RNF14: variants seen among roughly 807,000 people sequenced by gnomAD.
RNF14 encodes the protein E3 ubiquitin-protein ligase RNF14.
A neutral mutation model predicts 52.6 loss-of-function variants in RNF14; 26 were observed. The observed-to-expected ratio is 0.49, with a 90% CI of 0.36 to 0.69. The LOEUF (loss-of-function observed/expected upper bound fraction) is 0.69, where lower values mean the gene tolerates loss of function less well. RNF14 is among the 30% of genes least tolerant of loss of function. RNF14 has a pLI of 0.00. For missense variants in RNF14, 404 were observed against 560.4 expected, an observed-to-expected ratio of 0.72 and a Z score of 2.82; for synonymous variants, 194 against 202.0, an observed-to-expected ratio of 0.96 and a Z score of 0.34.
At chr5:141,965,939 A>G (rs1207653693), upstream of RNF14, among the ~76,000 whole-genome samples, 5 of 151,676 alleles carry the variant, frequency 3.3e-5, no homozygotes, top group Admixed American at 3.3e-4. Context: ...GAGTTTACCT[A>G]CATAACAAAC....
At chr5:141,955,796 G>A (rs776549536), upstream of RNF14, 4 of 1,613,914 alleles carry the variant, frequency 2.5e-6, no homozygotes, top group East Asian at 4.5e-5. This position sits in a 1 kb window ranked among gnomAD's most constrained non-coding sequence, Gnocchi z 5.5. Context: ...GCTCGGGTCT[G>A]TAAGGGGGGG....
At chr5:141,967,319 T>C (rs1013099543), upstream of RNF14, among the ~76,000 whole-genome samples, 4 of 152,196 alleles carry the variant, frequency 2.6e-5, no homozygotes, top group Non-Finnish European at 5.9e-5. Flanking sequence ...GGGCACTTCT[T>C]TTTTATTTTA....
chr5:141,983,572 C>T lies in RNF14; in HGVS notation c.1236+20C>T. 6.3e-7 allele frequency: 1 copy of T among 1,590,954 alleles called. No individual in the cohort carries two copies. The highest frequency in any genetic ancestry group is 8.5e-7 in the Non-Finnish European group (1 of 1,171,926). On this transcript the variant is annotated intron_variant, in intron 7 of 8. Transcript: ENST00000394520. ...ATAGAGGTAAATGTTTTGGGACAGA[C>T]TTGGAGGCCATCAGACTTGCAAGGA...
At chr5:141,956,137 T>C (rs1425233280), upstream of RNF14, 1 of 1,614,078 alleles carries the variant, frequency 6.2e-7, no homozygotes, top group Non-Finnish European at 8.5e-7. Context: ...GGCTTTTCCA[T>C]CGCTGAGCAC....
At chr5:141,950,327 CCTT>C in the RNF14 span, among the ~76,000 whole-genome samples, 1 of 152,236 alleles carries the variant, frequency 6.6e-6, no homozygotes, top group East Asian at 1.9e-4. Flanking sequence ...GCGTAGGAGT[CCTT>C]CTGTTTGTTT....
At chr5:141,956,855 G>T (rs1160395543), upstream of RNF14, 1 of 1,614,086 alleles carries the variant, frequency 6.2e-7, no homozygotes, top group African/African-American at 1.3e-5. Context: ...CAATGGGCTG[G>T]GATAGGATTG....
At chr5:141,974,654 C>T (rs531705274) in intron 3 of RNF14, 150 bp from the exon 4 acceptor site, 3 of 671,872 alleles carry the variant, frequency 4.5e-6, no homozygotes, top group Non-Finnish European at 7.3e-6. Flanking sequence ...GTGGTGGCTA[C>T]GAAGTTAAAA....
upstream of RNF14, chr5:141,955,792 G>A: frequency 1.2e-6 from 2 of 1,613,874 alleles, no homozygotes; most frequent in Non-Finnish European, 1.7e-6. This position sits in a 1 kb window ranked among gnomAD's most constrained non-coding sequence, Gnocchi z 5.5. Context: ...CAGGGCTCGG[G>A]TCTGTAAGGG....
chr5:141,984,910 C>T lies in RNF14; in HGVS notation c.1344C>T (p.Asp448=). ...SRANPYKHFN[D]PGSPCFNRLF... Reference sequence around the variant, plus strand: ...CAAACCCTTACAAACATTTCAATGACCCTGGTTCACCATGTTTTAACCGGT... The same window carrying T: ...CAAACCCTTACAAACATTTCAATGATCCTGGTTCACCATGTTTTAACCGGT... The change falls in exon 8 of 9, where the codon GAC becomes GAT. Residue 448 remains aspartate (D), a synonymous_variant. Transcript: ENST00000394520. 1 of 1,613,876 alleles carries T rather than the reference C, an allele frequency of 6.2e-7. No homozygotes were observed. The highest frequency in any genetic ancestry group is 8.5e-7 in the Non-Finnish European group (1 of 1,179,814).
upstream of RNF14, chr5:141,963,186 C>G (rs1753288588): frequency 6.6e-6 from 1 of 152,204 alleles, no homozygotes; most frequent in African/African-American, 2.4e-5. Flanking sequence ...GCAGGCATGT[C>G]CCCTAGAAGC....
At chr5:141,966,576 A>G (rs1432396845), upstream of RNF14, among the ~76,000 whole-genome samples, 1 of 152,198 alleles carries the variant, frequency 6.6e-6, no homozygotes, top group African/African-American at 2.4e-5. Flanking sequence ...ACTGCAGTTT[A>G]AAAGACTAAC....
upstream of RNF14, chr5:141,956,343 T>C (rs766255561): frequency 1.9e-6 from 3 of 1,614,070 alleles, no homozygotes; most frequent in Admixed American, 3.3e-5. Context: ...AGTGAGCAAC[T>C]GGGGAGTCCT....
chr5:141,977,936 CTT>C, intron 4 of RNF14, among the ~76,000 whole-genome samples: 1 of 152,342 alleles, frequency 6.6e-6, no homozygotes. Flanking sequence ...AACTAGATCT[CTT>C]TGTCCTACAT....
At chr5:141,957,012 C>T, upstream of RNF14, 1 of 1,614,196 alleles carries the variant, frequency 6.2e-7, no homozygotes, top group Non-Finnish European at 8.5e-7. This position sits in a 1 kb window ranked among gnomAD's most constrained non-coding sequence, Gnocchi z 4.3. Context: ...TGAGGAAGAA[C>T]TCCACCTCCC....
chr5:141,956,791 AC>A (rs1199523766), upstream of RNF14: 9 of 1,614,146 alleles, frequency 5.6e-6, no homozygotes, highest in Admixed American at 8.3e-5. Context: ...GGCCCATGTG[AC>A]GTGGATGCTT....
At position 141,974,947 on chromosome 5, in the gene RNF14, C is replaced by T. The variant is rs1253333398; in HGVS notation, c.298C>T (p.Pro100Ser). The T allele has an allele frequency of 1.2e-6, 2 of 1,613,688 alleles. No individual in the cohort carries two copies. The highest frequency in any genetic ancestry group is 2.2e-5 in the South Asian group (2 of 90,982). The stretch of plus-strand genomic sequence containing the variant: ...CACACTTAGTGGCAAATGGCTGTCA[C>T]CAACTCAGGTTAGACTTGAAACTTA... ...SFTLSGKWLS[P>S]TQLSALCKHL... Residue 100 changes from proline to serine, a missense_variant, in exon 4 of 9, where the codon CCA (proline) becomes TCA (serine). Coordinates refer to ENST00000394520, the MANE Select transcript of RNF14 (RefSeq NM_004290.5).
At chr5:141,974,703 C>A in intron 3 of RNF14, 101 bp from the exon 4 acceptor site, 2 of 1,122,798 alleles carry the variant, frequency 1.8e-6, no homozygotes, top group South Asian at 1.5e-5. Flanking sequence ...GGTTTTTATT[C>A]CCTCAACTAA....
chr5:141,978,523 A>T lies in RNF14; in HGVS notation c.527A>T (p.Asp176Val). The T allele has an allele frequency of 2.5e-6, 4 of 1,614,190 alleles. No homozygotes were observed. The highest frequency in any genetic ancestry group is 3.4e-6 in the Non-Finnish European group (4 of 1,180,024). The change falls in exon 5 of 9, where the codon GAT (aspartate) becomes GTT (valine). Residue 176 changes from aspartate to valine, a missense_variant. By Grantham distance (152) the Asp-to-Val change is radical (BLOSUM62 -3). Coordinates refer to ENST00000394520, the MANE Select transcript of RNF14 (RefSeq NM_004290.5). ...GATTTTGGAGGAGCTGCTGGATCTG[A>T]TGTAGACCAAGAGGAAATTGTGGAT... ...ELDFGGAAGS[D>V]VDQEEIVDER...
intron 1 of RNF14, chr5:141,958,835 G>A (rs1753228298): frequency 6.6e-6 from 1 of 152,384 alleles, no homozygotes; most frequent in South Asian, 2.1e-4. Flanking sequence ...AAATGATGTA[G>A]GAAGGGCTTT....
Sources: gnomAD v4.1 joint callset for allele counts (sites outside exome capture counted in the v4.1 genomes callset) on GRCh38, gnomAD v4.1.1 for gene constraint, Gnocchi (gnomAD v3.1) non-coding constraint, MANE v1.5 for transcripts, NCBI Gene and HGNC (gene_info 2026-07-23, HGNC 2026-07-21) for gene names.